The following ROBO2 variants were observed in gnomAD, a reference collection of about 807,000 sequenced individuals.
ROBO2 encodes roundabout guidance receptor 2, also known as roundabout homolog 2.
A neutral mutation model predicts 160.8 loss-of-function variants in ROBO2; 53 were observed. The observed-to-expected ratio is 0.33, with a 90% CI of 0.26 to 0.41. ROBO2 has a LOEUF of 0.41. Among genes scored for constraint, ROBO2 ranks in the 10% least tolerant of loss-of-function variants. The pLI is 1.00. For missense variants in ROBO2, 1,577 were observed against 1,722.4 expected (o/e 0.92, Z 1.49); for synonymous variants, 664 against 611.7 (o/e 1.09, Z -1.26).
At chr3:76,109,326 C>T (rs1025441564) in intron 2 of ROBO2, among the ~76,000 whole-genome samples, 2 of 151,710 alleles carry the variant, frequency 1.3e-5, no homozygotes, top group Non-Finnish European at 2.9e-5. Context: ...GCCATAATAC[C>T]TTTTAAAAAA....
At chr3:76,978,568 A>G (rs1288184844) in intron 2 of ROBO2, among the ~76,000 whole-genome samples, 1 of 152,172 alleles carries the variant, frequency 6.6e-6, no homozygotes, top group African/African-American at 2.4e-5. Flanking sequence ...AGGATGAATA[A>G]CCAGAGAAAT....
intron 2 of ROBO2, among the ~76,000 whole-genome samples, chr3:77,203,374 A>C (rs1056545664): frequency 1.3e-5 from 2 of 152,160 alleles, no homozygotes; most frequent in African/African-American, 4.8e-5. Flanking sequence ...CATATTGAGA[A>C]TTTGCAAATA....
chr3:76,942,562 A>G (rs1167262791), intron 2 of ROBO2, among the ~76,000 whole-genome samples: 3 of 152,210 alleles, frequency 2.0e-5, no homozygotes, highest in Non-Finnish European at 2.9e-5. Flanking sequence ...GCAGAAGCTC[A>G]TATATGCCTG....
At chr3:77,134,746 A>G (rs2076139515) in intron 2 of ROBO2, among the ~76,000 whole-genome samples, 1 of 152,224 alleles carries the variant, frequency 6.6e-6, no homozygotes, top group African/African-American at 2.4e-5. Context: ...AGAAACTCCC[A>G]GCCAGAAGAC....
chr3:77,390,610 TC>T (rs2074624303), intron 2 of ROBO2, among the ~76,000 whole-genome samples: 1 of 152,126 alleles, frequency 6.6e-6, no homozygotes, highest in African/African-American at 2.4e-5. Flanking sequence ...TAAACCTCTT[TC>T]CTTTCTAAAT....
chr3:76,190,636 C>T (rs900191687), intron 2 of ROBO2, among the ~76,000 whole-genome samples: 12 of 152,164 alleles, frequency 7.9e-5, no homozygotes, highest in South Asian at 2.1e-4. Context: ...CTTATTTAGC[C>T]TATATTTACA....
chr3:77,595,478 G>A (rs1023922463), intron 18 of ROBO2, among the ~76,000 whole-genome samples: 1 of 152,178 alleles, frequency 6.6e-6, no homozygotes, highest in Admixed American at 6.5e-5. Flanking sequence ...ATTAGCAAAT[G>A]AAGTTGCTGT....
chr3:77,027,810 C>T (rs184960031), intron 2 of ROBO2, among the ~76,000 whole-genome samples: 6 of 152,184 alleles, frequency 3.9e-5, no homozygotes, highest in East Asian at 3.9e-4. Context: ...GGAGGAATCA[C>T]GGCTAAGCTG....
At chr3:76,816,232 G>A (rs138088794) in intron 2 of ROBO2, among the ~76,000 whole-genome samples, 1,751 of 152,216 alleles carry the variant, frequency 0.012, 30 homozygotes, top group African/African-American at 0.039. Context: ...GGAAGGCCAC[G>A]TGTGGATCGG....
intron 2 of ROBO2, among the ~76,000 whole-genome samples, chr3:76,088,000 C>T (rs1001560197): frequency 6.6e-6 from 1 of 151,888 alleles, no homozygotes; most frequent in Non-Finnish European, 1.5e-5. Flanking sequence ...TCTAAAGACT[C>T]ATAGATTAAA....
At chr3:77,112,822 C>G (rs1349354250) in intron 2 of ROBO2, among the ~76,000 whole-genome samples, 1 of 152,108 alleles carries the variant, frequency 6.6e-6, no homozygotes, top group Non-Finnish European at 1.5e-5. Context: ...CCAACCAAAA[C>G]AACATAACCT....
At chr3:76,981,068 TTTTG>T (rs2060073525) in intron 2 of ROBO2, among the ~76,000 whole-genome samples, 1 of 152,208 alleles carries the variant, frequency 6.6e-6, no homozygotes, top group Non-Finnish European at 1.5e-5. Context: ...AAATAACATA[TTTTG>T]TTTGTCTATG....
chr3:76,977,753 G>A (rs970829987), intron 2 of ROBO2, among the ~76,000 whole-genome samples: 19 of 152,144 alleles, frequency 1.2e-4, no homozygotes, highest in East Asian at 7.7e-4. Context: ...TGTATCTGCC[G>A]TACTTTGTTT....
At chr3:77,323,945 G>C (rs1328041773) in intron 2 of ROBO2, among the ~76,000 whole-genome samples, 1 of 152,078 alleles carries the variant, frequency 6.6e-6, no homozygotes, top group Non-Finnish European at 1.5e-5. Flanking sequence ...TTATAACCAT[G>C]TGTAATTTCA....
chr3:76,509,471 T>G (rs1019774154), intron 2 of ROBO2, among the ~76,000 whole-genome samples: 1 of 152,136 alleles, frequency 6.6e-6, no homozygotes, highest in Non-Finnish European at 1.5e-5. Context: ...CCTGGAACTC[T>G]AAGCAAAAGG....
chr3:76,827,019 A>G (rs1035401608), intron 2 of ROBO2, among the ~76,000 whole-genome samples: 10 of 152,202 alleles, frequency 6.6e-5, no homozygotes, highest in African/African-American at 2.4e-4. Flanking sequence ...GGGTAGCACT[A>G]GCAAATACTA....
At chr3:77,612,762 T>C (rs2094676008) in intron 21 of ROBO2, among the ~76,000 whole-genome samples, 1 of 152,052 alleles carries the variant, frequency 6.6e-6, no homozygotes, top group African/African-American at 2.4e-5. Flanking sequence ...CTGGCTAACA[T>C]GGTGAAACCC....
chr3:75,914,991 T>C (rs1946750465), intron 1 of ROBO2, among the ~76,000 whole-genome samples: 1 of 152,218 alleles, frequency 6.6e-6, no homozygotes, highest in Non-Finnish European at 1.5e-5. Context: ...ACTTTGACTG[T>C]GGAAACAAGT....
At chr3:77,248,339 A>G (rs1377152005) in intron 2 of ROBO2, among the ~76,000 whole-genome samples, 2 of 152,112 alleles carry the variant, frequency 1.3e-5, no homozygotes, top group Admixed American at 6.5e-5. Flanking sequence ...TGTGGGTGCA[A>G]AAACTGTCAC....
Sources: allele counts gnomAD v4.1 joint callset (sites outside exome capture counted in the v4.1 genomes callset), GRCh38; gene constraint gnomAD v4.1.1; transcripts MANE v1.5; gene names NCBI Gene and HGNC (gene_info 2026-07-23, HGNC 2026-07-21).